The following ACYP2 variants were observed in gnomAD, a reference collection of about 807,000 sequenced individuals.
The protein encoded by ACYP2 is acylphosphatase-2.
Under a neutral mutation model 11.2 loss-of-function variants are expected in ACYP2, and 12 were observed. That is an observed-to-expected ratio of 1.08 (90% CI 0.69 to 1.74). ACYP2 has a LOEUF of 1.74. Among genes scored for constraint, ACYP2 ranks in the 40% most tolerant of loss-of-function variants. The pLI, the probability that ACYP2 is intolerant of heterozygous loss-of-function variation, is 0.00. For missense variants in ACYP2, 134 were observed against 101.9 expected (o/e 1.31, Z -1.35); for synonymous variants, 43 against 32.2 (o/e 1.33, Z -1.13).
chr2:54,006,656 CAG>C lies in ACYP2; in HGVS notation c.62+32847_62+32848del. The stretch of plus-strand genomic sequence containing the variant: ...TTTATTTACTTTTTGTTTTCCCAGA[CAG>C]GGTCTTGCTTTGTCACCCAGGCTAG... On this transcript the variant is annotated intron_variant, in intron 2 of 6. Transcript: ENST00000607452. Among the ~76,000 whole-genome samples, 3 of 152,178 alleles carry C rather than the reference CAG, an allele frequency of 2.0e-5. No homozygotes were observed. The East Asian group carries it at 5.8e-4, about 29-fold the overall frequency.
intron 6 of ACYP2, among the ~76,000 whole-genome samples, chr2:54,235,800 A>G (rs1477155845): frequency 6.6e-6 from 1 of 152,236 alleles, no homozygotes; most frequent in Non-Finnish European, 1.5e-5. Flanking sequence ...CGTAATATGC[A>G]TGCAGCATGA....
intron 2 of ACYP2, among the ~76,000 whole-genome samples, chr2:54,037,503 T>C (rs1380482063): frequency 2.6e-5 from 4 of 152,108 alleles, no homozygotes; most frequent in Non-Finnish European, 5.9e-5. Context: ...CTCAACCTCC[T>C]AGGCTCGAGC....
chr2:53,972,392 G>T (rs1316423624), intron 1 of ACYP2, among the ~76,000 whole-genome samples: 1 of 151,336 alleles, frequency 6.6e-6, no homozygotes, highest in Admixed American at 6.6e-5. Context: ...GGATCACGGG[G>T]TCAGGAGATG....
chr2:54,250,275 G>A (rs1687158632), intron 6 of ACYP2, among the ~76,000 whole-genome samples: 1 of 152,152 alleles, frequency 6.6e-6, no homozygotes, highest in African/African-American at 2.4e-5. Flanking sequence ...TCAGGAGTTC[G>A]AGACCAGCGT....
At chr2:54,037,660 A>C (rs72800715) in intron 2 of ACYP2, among the ~76,000 whole-genome samples, 12,810 of 151,764 alleles carry the variant, frequency 0.084, 647 homozygotes, top group Non-Finnish European at 0.12. Context: ...CTCCCCCCTC[A>C]CCCTCCCAAA....
chr2:54,161,387 C>T (rs1425331149), intron 6 of ACYP2, among the ~76,000 whole-genome samples: 1 of 152,088 alleles, frequency 6.6e-6, no homozygotes, highest in Non-Finnish European at 1.5e-5. Flanking sequence ...GTCTGAGTAC[C>T]ATTGGTCTTA....
chr2:54,109,397 T>C (rs931131684), intron 4 of ACYP2, among the ~76,000 whole-genome samples: 17 of 151,684 alleles, frequency 1.1e-4, no homozygotes, highest in African/African-American at 3.6e-4. Context: ...CAGTGGACTT[T>C]GGATACTCGG....
intron 6 of ACYP2, among the ~76,000 whole-genome samples, chr2:54,212,218 T>A (rs1685356788): frequency 6.6e-6 from 1 of 152,208 alleles, no homozygotes; most frequent in Non-Finnish European, 1.5e-5. Flanking sequence ...TTTTGGGGGA[T>A]GCAAAGTCTT....
At chr2:54,209,781 G>A (rs1685251964) in intron 6 of ACYP2, among the ~76,000 whole-genome samples, 1 of 152,132 alleles carries the variant, frequency 6.6e-6, no homozygotes, top group Non-Finnish European at 1.5e-5. Context: ...GCCATGTTGA[G>A]CTTTGAAGTT....
chr2:54,030,693 T>C lies in ACYP2; in HGVS notation c.63-20265T>C, dbSNP rs191454315. The C allele has an allele frequency of 5.5e-4, 103 of 186,644 alleles. 1 individual carries two copies. Among genetic ancestry groups the C allele is most frequent in the Admixed American group, 1.8e-3 (39 of 21,366 alleles). The allele number at this position is 186,644 out of a possible 1,614,324, so 11.6% of individuals were successfully genotyped here. On this transcript the variant is annotated intron_variant, in intron 2 of 6. Coordinates refer to ENST00000607452, the MANE Select transcript of ACYP2 (RefSeq NM_001320586.2). ...CTTTGTGTTCGTTATTTTGGCGAAT[T>C]ACTGGAAGACGGCGGTTCCAGCTGA...
intron 6 of ACYP2, among the ~76,000 whole-genome samples, chr2:54,267,893 T>G (rs1236163112): frequency 6.6e-6 from 1 of 152,230 alleles, no homozygotes; most frequent in Non-Finnish European, 1.5e-5. Flanking sequence ...ATTTGAAATA[T>G]TGTGCTATTT....
intron 4 of ACYP2, among the ~76,000 whole-genome samples, chr2:54,116,862 A>G (rs1479347648): frequency 6.6e-6 from 1 of 152,132 alleles, no homozygotes; most frequent in African/African-American, 2.4e-5. Flanking sequence ...CCGACTGGCT[A>G]TTTTAAAGAG....
chr2:54,042,973 C>G (rs143583752), intron 2 of ACYP2, among the ~76,000 whole-genome samples: 1 of 152,334 alleles, frequency 6.6e-6, no homozygotes, highest in Non-Finnish European at 1.5e-5. Flanking sequence ...CTACCTTGCT[C>G]TACATAGCCA....
At chr2:53,981,872 A>C (rs1671780830) in intron 2 of ACYP2, among the ~76,000 whole-genome samples, 2 of 152,212 alleles carry the variant, frequency 1.3e-5, no homozygotes, top group Admixed American at 1.3e-4. Context: ...TCTCAAACAT[A>C]TCTCCGTCAT....
intron 6 of ACYP2, among the ~76,000 whole-genome samples, chr2:54,187,965 C>T (rs1237015802): frequency 1.3e-5 from 2 of 152,176 alleles, no homozygotes; most frequent in Admixed American, 6.6e-5. Flanking sequence ...GAGAACACAA[C>T]ATTTCTACCC....
chr2:54,187,165 G>A (rs1462147500), intron 6 of ACYP2, among the ~76,000 whole-genome samples: 1 of 152,136 alleles, frequency 6.6e-6, no homozygotes, highest in Non-Finnish European at 1.5e-5. Flanking sequence ...ATGCAATCTG[G>A]GGCAGGTAGC....
At chr2:54,152,115 C>CTTTTTTTTT (rs59900871) in intron 6 of ACYP2, among the ~76,000 whole-genome samples, 3 of 106,934 alleles carry the variant, frequency 2.8e-5, no homozygotes, top group East Asian at 3.0e-4. Context: ...AGGGTTGACT[C>CTTTTTTTTT]TTTTTTTTTT....
chr2:54,137,347 G>A (rs1213976705), intron 5 of ACYP2, among the ~76,000 whole-genome samples: 1 of 152,030 alleles, frequency 6.6e-6, no homozygotes, highest in Non-Finnish European at 1.5e-5. Flanking sequence ...CTCGTGTCAT[G>A]GGGGTTTATT....
intron 4 of ACYP2, among the ~76,000 whole-genome samples, chr2:54,088,444 G>C (rs1678055322): frequency 6.6e-6 from 1 of 152,168 alleles, no homozygotes; most frequent in South Asian, 2.1e-4. Flanking sequence ...ATTCACCAGA[G>C]AGTCAACCTC....
Sources: gnomAD v4.1 joint callset for allele counts (sites outside exome capture counted in the v4.1 genomes callset) on GRCh38, gnomAD v4.1.1 for gene constraint, MANE v1.5 for transcripts, NCBI Gene and HGNC (gene_info 2026-07-23, HGNC 2026-07-21) for gene names.